The following NKAIN3 variants were observed in gnomAD, a reference collection of about 807,000 sequenced individuals.
The protein encoded by NKAIN3 is sodium/potassium transporting ATPase interacting 3.
In NKAIN3, 25 loss-of-function variants were observed where a neutral mutation model predicts 30.2. That is an observed-to-expected ratio of 0.83 (90% confidence interval 0.60 to 1.16). The LOEUF is 1.16. Ranked by LOEUF, NKAIN3 falls within the 50% of genes most tolerant of loss-of-function variation. The probability of loss-of-function intolerance (pLI) is 0.00; values close to 1 mark genes in which losing one functional copy is unlikely to be tolerated. For missense variants in NKAIN3, 225 were observed against 254.1 expected (o/e 0.89, Z 0.78); for synonymous variants, 91 against 89.6 (o/e 1.02, Z -0.09).
In NKAIN3 at chr8:62,972,488, A is replaced by G. The variant is rs1008901532; in HGVS notation, c.*7081A>G. On this transcript the variant is annotated 3_prime_UTR_variant, in exon 7 of 7. Coordinates refer to ENST00000623646, the MANE Select transcript of NKAIN3 (RefSeq NM_001304533.3). ...TTTTTCAAATAGAAAAGTGATACTAACATCAATAATTAAACTTCCCAAGAT... is the reference window on the plus strand; with the variant it reads ...TTTTTCAAATAGAAAAGTGATACTAGCATCAATAATTAAACTTCCCAAGAT... Among the ~76,000 whole-genome samples, 1 of 152,172 alleles carries G rather than the reference A, an allele frequency of 6.6e-6. No individual in the cohort carries two copies. Among genetic ancestry groups the G allele is most frequent in the African/African-American group, 2.4e-5 (1 of 41,438 alleles).
At chr8:62,400,168 T>C (rs558084596) in intron 1 of NKAIN3, among the ~76,000 whole-genome samples, 128 of 146,848 alleles carry the variant, frequency 8.7e-4, no homozygotes, top group South Asian at 1.8e-3. Flanking sequence ...ATTTTCTTTT[T>C]TTTTTTTTTT....
chr8:62,387,393 A>G (rs1452730479), intron 1 of NKAIN3, among the ~76,000 whole-genome samples: 1 of 151,832 alleles, frequency 6.6e-6, no homozygotes, highest in Non-Finnish European at 1.5e-5. Flanking sequence ...GCAGGCTGCC[A>G]TTTTTGACCT....
intron 1 of NKAIN3, among the ~76,000 whole-genome samples, chr8:62,324,658 G>T (rs1375075203): frequency 6.6e-6 from 1 of 152,076 alleles, no homozygotes; most frequent in Non-Finnish European, 1.5e-5. Flanking sequence ...AACAAAAATT[G>T]CCAGGAAAAG....
At chr8:62,525,343 G>T (rs1175293898) in intron 1 of NKAIN3, among the ~76,000 whole-genome samples, 1 of 152,128 alleles carries the variant, frequency 6.6e-6, no homozygotes, top group Non-Finnish European at 1.5e-5. Flanking sequence ...TGAAGGAAAG[G>T]ATATCAGAAG....
intron 1 of NKAIN3, among the ~76,000 whole-genome samples, chr8:62,388,369 T>A (rs577715178): frequency 6.6e-6 from 1 of 152,348 alleles, no homozygotes; most frequent in East Asian, 1.9e-4. Context: ...AAGCTAATAG[T>A]TGAAGATTAT....
At position 62,841,550 on chromosome 8, in the gene NKAIN3, T is replaced by C. The variant is rs1168960449; in HGVS notation, c.472-76903T>C. ...TACATGGATGAATCTTTTTTAGATT[T>C]CACATATAAATGAGATCAAGTAGTA... is the stretch of plus-strand genomic sequence containing the variant. On this transcript the variant is annotated intron_variant, in intron 4 of 6. Transcript: ENST00000623646. Among the ~76,000 whole-genome samples the C allele has an allele frequency of 7.2e-5, 11 of 152,280 alleles. No homozygotes were observed. In the East Asian group the frequency reaches 2.1e-3, roughly 29 times the overall value.
intron 1 of NKAIN3, among the ~76,000 whole-genome samples, chr8:62,284,023 C>A (rs972721188): frequency 1.3e-5 from 2 of 152,110 alleles, no homozygotes; most frequent in African/African-American, 2.4e-5. Context: ...TGCCTTCCTA[C>A]CTGCTCATTA....
At position 62,488,966 on chromosome 8, in the gene NKAIN3, G is replaced by A. The variant is rs765014994; in HGVS notation, c.55-90573G>A. Among the ~76,000 whole-genome samples the A allele has an allele frequency of 7.9e-5, 12 of 152,194 alleles. No homozygotes were observed. The South Asian group carries it at 8.3e-4, about 11-fold the overall frequency. ...TATATATTCTAGCAAAATGGCAGGC[G>A]TGCTAAGTGTTCAATGAATGCTAGC... On this transcript the variant is annotated intron_variant, in intron 1 of 6. Coordinates refer to ENST00000623646, the MANE Select transcript of NKAIN3 (RefSeq NM_001304533.3).
chr8:62,260,229 A>G (rs1308725517), intron 1 of NKAIN3, among the ~76,000 whole-genome samples: 1 of 152,062 alleles, frequency 6.6e-6, no homozygotes, highest in Non-Finnish European at 1.5e-5. Flanking sequence ...AAGAGTTTGC[A>G]TGTGGGAAGC....
chr8:62,509,664 C>A (rs145146591), intron 1 of NKAIN3, among the ~76,000 whole-genome samples: 1 of 152,152 alleles, frequency 6.6e-6, no homozygotes, highest in Non-Finnish European at 1.5e-5. Context: ...AAAGCTATAT[C>A]TGAAATTGCT....
At chr8:62,664,071 G>T (rs1316925849) in intron 3 of NKAIN3, among the ~76,000 whole-genome samples, 1 of 151,974 alleles carries the variant, frequency 6.6e-6, no homozygotes, top group Non-Finnish European at 1.5e-5. Flanking sequence ...AGTGAAACAT[G>T]CATGATCTTT....
intron 3 of NKAIN3, among the ~76,000 whole-genome samples, chr8:62,614,576 G>A (rs1481055081): frequency 6.6e-6 from 1 of 152,158 alleles, no homozygotes; most frequent in Admixed American, 6.5e-5. Flanking sequence ...AGGCCTGTGA[G>A]CTTCCCTTCA....
chr8:62,432,010 A>C (rs1273050467), intron 1 of NKAIN3, among the ~76,000 whole-genome samples: 1 of 151,872 alleles, frequency 6.6e-6, no homozygotes, highest in African/African-American at 2.4e-5. Context: ...AATACACAAT[A>C]GGAAATTAAT....
intron 4 of NKAIN3, chr8:62,856,353 C>T: frequency 2.3e-6 from 2 of 885,304 alleles, no homozygotes; most frequent in South Asian, 2.6e-5. Flanking sequence ...TGCTTGCTTC[C>T]TGGTCTCCTT....
chr8:62,907,679 G>A (rs1821820925), intron 4 of NKAIN3, among the ~76,000 whole-genome samples: 1 of 152,210 alleles, frequency 6.6e-6, no homozygotes, highest in Non-Finnish European at 1.5e-5. Context: ...GAGGGTGCAA[G>A]CCCCTAGCCT....
At chr8:62,394,106 G>A (rs1464191714) in intron 1 of NKAIN3, among the ~76,000 whole-genome samples, 1 of 152,136 alleles carries the variant, frequency 6.6e-6, no homozygotes, top group Non-Finnish European at 1.5e-5. Context: ...ACTTGCAGCG[G>A]TGAGAGTGGA....
At chr8:62,769,038 A>G (rs145450398) in intron 4 of NKAIN3, among the ~76,000 whole-genome samples, 1 of 152,298 alleles carries the variant, frequency 6.6e-6, no homozygotes, top group African/African-American at 2.4e-5. Context: ...ATTTCAGGCA[A>G]TTGGCACTCT....
intron 1 of NKAIN3, among the ~76,000 whole-genome samples, chr8:62,316,412 T>A (rs1013519705): frequency 6.7e-6 from 1 of 149,342 alleles, no homozygotes; most frequent in African/African-American, 2.4e-5. Context: ...GTATATCTCC[T>A]AATGCTATCC....
At chr8:62,949,538 G>A (rs576778617) in intron 5 of NKAIN3, among the ~76,000 whole-genome samples, 3 of 152,226 alleles carry the variant, frequency 2.0e-5, no homozygotes, top group South Asian at 2.1e-4. Context: ...GAAGTTGCTC[G>A]GCTGTGCTCC....
Sources: gnomAD v4.1 joint callset for allele counts (sites outside exome capture counted in the v4.1 genomes callset) on GRCh38, gnomAD v4.1.1 for gene constraint, MANE v1.5 for transcripts, NCBI Gene and HGNC (gene_info 2026-07-23, HGNC 2026-07-21) for gene names.